Variants in PARP14 observed in about 807,000 individuals in gnomAD.
PARP14 encodes the protein poly(ADP-ribose) polymerase family member 14.
A neutral mutation model predicts 154.2 loss-of-function variants in PARP14; 59 were observed. That is an observed-to-expected ratio of 0.38 (90% confidence interval 0.31 to 0.48). The LOEUF is 0.48. PARP14 is among the 20% of genes least tolerant of loss of function. The pLI, the probability that PARP14 is intolerant of heterozygous loss-of-function variation, is 0.98. For synonymous variants in PARP14, 720 were observed against 780.5 expected (o/e 0.92, Z 1.29); for missense variants, 1,734 against 2,131.6 (o/e 0.81, Z 3.67).
chr3:122,696,507 C>T (rs1462360647), intron 5 of PARP14, among the ~76,000 whole-genome samples: 1 of 152,156 alleles, frequency 6.6e-6, no homozygotes, highest in Non-Finnish European at 1.5e-5. Context: ...GAAAGACCTA[C>T]TATTCCTTGG....
At chr3:122,727,485 G>A (rs1451738582) in intron 15 of PARP14, among the ~76,000 whole-genome samples, 13 of 152,214 alleles carry the variant, frequency 8.5e-5, no homozygotes. Flanking sequence ...ACAGCAACAG[G>A]AGCAGTCATT....
chr3:122,707,983 G>A (rs923969361), intron 8 of PARP14, among the ~76,000 whole-genome samples: 6 of 152,110 alleles, frequency 3.9e-5, no homozygotes, highest in Admixed American at 1.3e-4. Flanking sequence ...TGTCCACATC[G>A]TTGATATTTT....
At chr3:122,719,010 A>T in intron 14 of PARP14, 52 bp downstream of exon 14, 1 of 1,460,870 alleles carries the variant, frequency 6.8e-7, no homozygotes, top group Non-Finnish European at 9.1e-7. Context: ...TACTTTGGGC[A>T]TAACACTATT....
At chr3:122,692,249 C>T in intron 3 of PARP14, 52 bp from the exon 4 acceptor site, 1 of 1,532,746 alleles carries the variant, frequency 6.5e-7, no homozygotes, top group Non-Finnish European at 8.9e-7. Context: ...TTTGCTAAGA[C>T]CATGGTAGAT....
chr3:122,709,439 T>C (rs1939253762), intron 9 of PARP14, among the ~76,000 whole-genome samples: 2 of 152,228 alleles, frequency 1.3e-5, no homozygotes. Flanking sequence ...CACATTTTCT[T>C]TATCCACTTG....
At chr3:122,683,773 T>C (rs1233850088) in intron 1 of PARP14, among the ~76,000 whole-genome samples, 1 of 152,206 alleles carries the variant, frequency 6.6e-6, no homozygotes, top group Non-Finnish European at 1.5e-5. Context: ...CCATAAATAT[T>C]GCCCACAATC....
intron 4 of PARP14, 98 bp downstream of exon 4, chr3:122,692,641 T>G: frequency 1.0e-6 from 1 of 1,000,170 alleles, no homozygotes; most frequent in African/African-American, 1.6e-5. Context: ...TTTGACTCTT[T>G]CTAGTAGCTA....
intron 3 of PARP14, among the ~76,000 whole-genome samples, chr3:122,688,157 C>G (rs1938430590): frequency 6.6e-6 from 1 of 152,092 alleles, no homozygotes; most frequent in African/African-American, 2.4e-5. Context: ...CCCCCAGCTC[C>G]CAGTGTTTGT....
intron 4 of PARP14, among the ~76,000 whole-genome samples, chr3:122,693,613 T>TGGATTGCCTGAGTCCA (rs1196913810): frequency 2.6e-5 from 4 of 152,026 alleles, no homozygotes; most frequent in African/African-American, 9.7e-5. Flanking sequence ...CCAAGGCAGA[T>TGGATTGCCTGAGTCCA]GGATTGCCTG....
intron 8 of PARP14, among the ~76,000 whole-genome samples, chr3:122,705,060 A>G (rs575606932): frequency 2.3e-4 from 35 of 152,334 alleles, no homozygotes; most frequent in African/African-American, 8.2e-4. Context: ...TTTCATCTCT[A>G]TCTTCATCTA....
In PARP14 at chr3:122,716,959, G is replaced by A. The variant is rs543028449; in HGVS notation, c.4001-1112G>A. Among the ~76,000 whole-genome samples the A allele has an allele frequency of 3.3e-5, 5 of 152,330 alleles. No homozygotes were observed. In the East Asian group the frequency reaches 9.6e-4, roughly 29 times the overall value. On this transcript the variant is annotated intron_variant, in intron 12 of 16. Transcript: ENST00000474629. ...CCTAGTGAGTACCTAGCCAGTGATA[G>A]GACATAGCAGATGTTTCTTGAAAGT...
chr3:122,702,404 G>A (rs1178744162), intron 6 of PARP14, among the ~76,000 whole-genome samples: 1 of 152,070 alleles, frequency 6.6e-6, no homozygotes, highest in African/African-American at 2.4e-5. Context: ...TTTTTTGGTA[G>A]AGATGGGGTT....
At chr3:122,693,967 G>A (rs1938675720) in intron 4 of PARP14, among the ~76,000 whole-genome samples, 1 of 152,162 alleles carries the variant, frequency 6.6e-6, no homozygotes. Context: ...TCTTACAAAG[G>A]AAAAACTAAA....
chr3:122,694,477 TC>T (rs1482448179), intron 4 of PARP14, among the ~76,000 whole-genome samples: 1 of 152,178 alleles, frequency 6.6e-6, no homozygotes, highest in Admixed American at 6.5e-5. Flanking sequence ...TATATTTATT[TC>T]TGTATCCTCA....
rs201474464 is a variant in PARP14 at position 122,700,304 on chromosome 3, G to A, written c.1750G>A (p.Ala584Thr). ...TCTCTTAACCAGCTGTTCTTCTGAA[G>A]CCCTGTTAGAAGCAGAAAAGCAAAT... ...TVLLTSCSSE[A>T]LLEAEKQMLS... The change falls in exon 6 of 17, where the codon GCC becomes ACC. Residue 584 changes from alanine (A) to threonine (T), a missense_variant. Around this residue, in one of 2 missense-constraint regions of PARP14, gnomAD observed 1,646 missense variants for 1,976.0 expected, o/e 0.83. Coordinates refer to ENST00000474629, the MANE Select transcript of PARP14 (RefSeq NM_017554.3). 106 of 1,613,436 alleles carry A rather than the reference G, an allele frequency of 6.6e-5. 1 individual carries two copies. The African/African-American group carries it at 1.3e-3, about 20-fold the overall frequency.
At position 122,728,675 on chromosome 3, in the gene PARP14, T is replaced by A. The variant is rs77768941; in HGVS notation, c.*78T>A. The A allele has an allele frequency of 4.9e-5, 54 of 1,097,200 alleles. No individual in the cohort carries two copies. Among genetic ancestry groups the A allele is most frequent in the Middle Eastern group, 2.1e-4 (1 of 4,786 alleles). The allele number at this position is 1,097,200 out of a possible 1,614,324, so 68.0% of individuals were successfully genotyped here. ...TAAAACAAGTTTTAGCTTTTTTTTTTAATTCCTCTTAACAGATTTTTCTAA... is the reference window on the plus strand; with the variant it reads ...TAAAACAAGTTTTAGCTTTTTTTTTAAATTCCTCTTAACAGATTTTTCTAA... On this transcript the variant is annotated 3_prime_UTR_variant, in exon 17 of 17. Transcript: ENST00000474629.
chr3:122,691,196 C>G (rs926494285), intron 3 of PARP14, among the ~76,000 whole-genome samples: 53 of 152,192 alleles, frequency 3.5e-4, no homozygotes, highest in Non-Finnish European at 4.0e-4. Context: ...TCATATACCT[C>G]CATTAGAAAA....
chr3:122,680,847 C>A lies in PARP14; in HGVS notation c.-37C>A. 6 of 1,536,072 alleles carry A rather than the reference C, an allele frequency of 3.9e-6. No homozygotes were observed. Among genetic ancestry groups the A allele is most frequent in the Non-Finnish European group, 5.3e-6 (6 of 1,127,296 alleles). The stretch of plus-strand genomic sequence containing the variant: ...GTCAAAGTTAGCGGCCCGGAGTTGG[C>A]GCGGCCCCTGCAGTCCGGCGGAGAG... On this transcript the variant is annotated 5_prime_UTR_variant, in exon 1 of 17. Coordinates refer to ENST00000474629, the MANE Select transcript of PARP14 (RefSeq NM_017554.3).
chr3:122,700,744 T>G lies in PARP14; in HGVS notation c.2190T>G (p.Ile730Met). 1 of 1,613,382 alleles carries G rather than the reference T, an allele frequency of 6.2e-7. No individual in the cohort carries two copies. Among genetic ancestry groups the G allele is most frequent in the Non-Finnish European group, 8.5e-7 (1 of 1,179,654 alleles). The stretch of plus-strand genomic sequence containing the variant: ...CCGAAGTACTGAAGGCAGTGGACAT[T>G]GTCAAGCAAGTCTGGGATTCAGTCT... Reference protein sequence around the residue: ...SKTEVLKAVDIVKQVWDSVCV... With the variant: ...SKTEVLKAVDMVKQVWDSVCV... The change falls in exon 6 of 17, where the codon ATT becomes ATG. Residue 730 changes from isoleucine (I) to methionine (M), a missense_variant. Around this residue, in one of 2 missense-constraint regions of PARP14, gnomAD observed 1,646 missense variants for 1,976.0 expected, o/e 0.83. Coordinates refer to ENST00000474629, the MANE Select transcript of PARP14 (RefSeq NM_017554.3).
Sources: gnomAD v4.1 joint callset for allele counts (sites outside exome capture counted in the v4.1 genomes callset) on GRCh38, gnomAD v4.1.1 for gene constraint, gnomAD v4.1.1 regional missense constraint, MANE v1.5 for transcripts, NCBI Gene and HGNC (gene_info 2026-07-23, HGNC 2026-07-21) for gene names.